YWHAE: variants seen among roughly 807,000 people sequenced by gnomAD.
YWHAE encodes tyrosine 3-monooxygenase/tryptophan 5-monooxygenase activation protein epsilon.
Under a neutral mutation model 30.1 loss-of-function variants are expected in YWHAE, and 4 were observed. The ratio of observed to expected loss-of-function variants is 0.13; its 90% CI spans 0.07 to 0.30. YWHAE has a LOEUF of 0.30. Ranked by LOEUF, YWHAE falls within the 10% of genes least tolerant of loss-of-function variation. The pLI, the probability that YWHAE is intolerant of heterozygous loss-of-function variation, is 1.00. For missense variants in YWHAE, 121 were observed against 315.9 expected, an observed-to-expected ratio of 0.38 and a Z score of 4.68; for synonymous variants, 118 against 111.8, an observed-to-expected ratio of 1.06 and a Z score of -0.35.
At chr17:1,363,030 C>T (rs928857090) in intron 2 of YWHAE, among the ~76,000 whole-genome samples, 1 of 152,092 alleles carries the variant, frequency 6.6e-6, no homozygotes, top group African/African-American at 2.4e-5. Context: ...CTACAGCAAA[C>T]CCACCCAATA....
intron 1 of YWHAE, among the ~76,000 whole-genome samples, chr17:1,391,612 T>C (rs1210397908): frequency 6.6e-6 from 1 of 152,166 alleles, no homozygotes; most frequent in Non-Finnish European, 1.5e-5. Context: ...TGACTAGCAT[T>C]AACATTTAGT....
At chr17:1,375,496 C>CA (rs1236235354) in intron 1 of YWHAE, among the ~76,000 whole-genome samples, 2 of 152,064 alleles carry the variant, frequency 1.3e-5, no homozygotes, top group South Asian at 2.1e-4. Context: ...ATTTAAGAAC[C>CA]AAAAAACTGA....
intron 4 of YWHAE, among the ~76,000 whole-genome samples, chr17:1,357,257 G>C (rs998578758): frequency 6.6e-6 from 1 of 151,828 alleles, no homozygotes; most frequent in African/African-American, 2.4e-5. Flanking sequence ...CCAAAAATTA[G>C]CCGGGCGTGG....
At chr17:1,399,795 A>T in intron 1 of YWHAE, 1 of 124,852 alleles carries the variant, frequency 8.0e-6, no homozygotes, top group Non-Finnish European at 1.5e-5. Flanking sequence ...TTTTACAACC[A>T]ACTCCTCCAC....
At chr17:1,387,505 AC>A (rs1405049412) in intron 1 of YWHAE, among the ~76,000 whole-genome samples, 6 of 152,200 alleles carry the variant, frequency 3.9e-5, no homozygotes, top group African/African-American at 1.4e-4. Context: ...GAAGAAAATG[AC>A]CACAAATAAC....
chr17:1,367,826 G>C (rs2072968198), intron 1 of YWHAE, among the ~76,000 whole-genome samples: 1 of 152,138 alleles, frequency 6.6e-6, no homozygotes, highest in African/African-American at 2.4e-5. Context: ...GAAAGCAAAT[G>C]GTTATCAAGG....
At chr17:1,386,052 G>C (rs2073296085) in intron 1 of YWHAE, among the ~76,000 whole-genome samples, 1 of 152,196 alleles carries the variant, frequency 6.6e-6, no homozygotes, top group Non-Finnish European at 1.5e-5. Flanking sequence ...CATTTCAAAT[G>C]TGTTGTCACT....
chr17:1,378,544 T>A (rs1328612964), intron 1 of YWHAE, among the ~76,000 whole-genome samples: 1 of 152,334 alleles, frequency 6.6e-6, no homozygotes, highest in East Asian at 1.9e-4. Flanking sequence ...ACCTTCTCTA[T>A]CACACTGACA....
At chr17:1,353,053 G>A (rs1208495805) in intron 5 of YWHAE, among the ~76,000 whole-genome samples, 1 of 152,038 alleles carries the variant, frequency 6.6e-6, no homozygotes, top group Non-Finnish European at 1.5e-5. Context: ...ACAAATTTGG[G>A]CTCCTGTATT....
chr17:1,369,941 C>T (rs1325279539), intron 1 of YWHAE, among the ~76,000 whole-genome samples: 1 of 152,020 alleles, frequency 6.6e-6, no homozygotes, highest in Admixed American at 6.6e-5. Context: ...TAATATTTTG[C>T]TGTTGGAAGG....
chr17:1,373,168 A>C (rs1002730849), intron 1 of YWHAE, among the ~76,000 whole-genome samples: 8 of 151,126 alleles, frequency 5.3e-5, no homozygotes, highest in African/African-American at 1.9e-4. Context: ...GCTTGAACTC[A>C]GGAGGCGGAA....
chr17:1,369,801 T>C (rs976335092), intron 1 of YWHAE: 4 of 152,208 alleles, frequency 2.6e-5, no homozygotes, highest in African/African-American at 4.8e-5. Flanking sequence ...TCCCAGTGCA[T>C]AGAAAAGTTA....
At chr17:1,389,997 C>A (rs1030397165) in intron 1 of YWHAE, among the ~76,000 whole-genome samples, 2 of 152,138 alleles carry the variant, frequency 1.3e-5, no homozygotes, top group Non-Finnish European at 2.9e-5. Flanking sequence ...GCGCCTGCCA[C>A]CACTTCAAGC....
chr17:1,398,234 C>T (rs1598277805), intron 1 of YWHAE, among the ~76,000 whole-genome samples: 1 of 152,094 alleles, frequency 6.6e-6, no homozygotes, highest in Non-Finnish European at 1.5e-5. Context: ...GATGAGGGGG[C>T]GGAGGAGGAG....
intron 1 of YWHAE, 169 bp downstream of exon 1, chr17:1,399,878 T>A: frequency 1.3e-6 from 1 of 783,506 alleles, no homozygotes; most frequent in Admixed American, 2.1e-5. Context: ...TTCCAGGGCA[T>A]AGAGCCTCCC....
At chr17:1,398,334 T>TCACC (rs1555648138) in intron 1 of YWHAE, among the ~76,000 whole-genome samples, 3 of 100,882 alleles carry the variant, frequency 3.0e-5, no homozygotes, top group Non-Finnish European at 5.6e-5. Context: ...CCCCATCTTA[T>TCACC]CCCCCCCCCC....
At chr17:1,364,688 G>A (rs577060090) in intron 2 of YWHAE, 171 bp downstream of exon 2, 15 of 819,072 alleles carry the variant, frequency 1.8e-5, no homozygotes, top group Admixed American at 5.7e-5. Context: ...GCATAGCCAC[G>A]GGTAAGTTTA....
chr17:1,365,356 C>A (rs141738226), intron 1 of YWHAE, among the ~76,000 whole-genome samples: 151 of 152,058 alleles, frequency 9.9e-4, no homozygotes, highest in Non-Finnish European at 2.0e-3. Context: ...ATTAGGCACA[C>A]CTAACTATTT....
rs148633511 is a variant in YWHAE, at chr17:1,349,922, A to G, written c.715+4289T>C. On this transcript the variant is annotated intron_variant, in intron 5 of 5. Transcript: ENST00000264335. ...GAGCCACTGCGCCCAGCCGAATTTC[A>G]CTAGATTTTTAAAAACTGCGAAAGT... Among the ~76,000 whole-genome samples, 753 of 141,326 alleles carry G rather than the reference A, an allele frequency of 5.3e-3. 6 individuals are homozygous for G. Among genetic ancestry groups the G allele is most frequent in the African/African-American group, 0.019 (710 of 37,614 alleles). The allele number at this position is 141,326 out of a possible 152,430, so 92.7% of individuals were successfully genotyped here. A position where few individuals can be genotyped will look rare whatever the true frequency, so the allele number is the denominator to read the frequency against.
Sources: allele counts gnomAD v4.1 joint callset (sites outside exome capture counted in the v4.1 genomes callset), GRCh38; gene constraint gnomAD v4.1.1; transcripts MANE v1.5; gene names NCBI Gene and HGNC (gene_info 2026-07-23, HGNC 2026-07-21).